The following RPF2 variants were observed in gnomAD, a reference collection of about 807,000 sequenced individuals.
RPF2 encodes ribosome production factor 2 homolog.
Under a neutral mutation model 38.9 loss-of-function variants are expected in RPF2, and 21 were observed. The observed-to-expected ratio is 0.54, with a 90% CI of 0.38 to 0.78. The LOEUF (loss-of-function observed/expected upper bound fraction) is 0.78. Among genes scored for constraint, RPF2 ranks in the 30% least tolerant of loss-of-function variants. RPF2 has a pLI of 0.00. For missense variants in RPF2, 314 were observed against 358.1 expected, an observed-to-expected ratio of 0.88 and a Z score of 0.99; for synonymous variants, 121 against 126.2, an observed-to-expected ratio of 0.96 and a Z score of 0.28.
At chr6:111,021,381 T>A (rs1772232753) in intron 8 of RPF2, among the ~76,000 whole-genome samples, 1 of 152,162 alleles carries the variant, frequency 6.6e-6, no homozygotes, top group South Asian at 2.1e-4. Context: ...AGCTATTAAT[T>A]TGAAATAAAA....
intron 6 of RPF2, among the ~76,000 whole-genome samples, chr6:111,003,078 T>TG (rs1771839545): frequency 1.6e-5 from 2 of 125,696 alleles, no homozygotes; most frequent in African/African-American, 3.2e-5. Flanking sequence ...TTTCATTTTT[T>TG]ACCCCCCCCC....
intron 7 of RPF2, among the ~76,000 whole-genome samples, chr6:111,013,567 T>TA (rs1173404353): frequency 6.6e-6 from 1 of 152,256 alleles, no homozygotes; most frequent in Non-Finnish European, 1.5e-5. Context: ...TTTGACTTAA[T>TA]AAAGAGTACT....
At chr6:110,986,081 T>A (rs1024158973) in intron 2 of RPF2, among the ~76,000 whole-genome samples, 20 of 152,084 alleles carry the variant, frequency 1.3e-4, no homozygotes, top group African/African-American at 4.8e-4. Flanking sequence ...GAAAGAAGTT[T>A]GTGCAAAAGG....
intron 8 of RPF2, among the ~76,000 whole-genome samples, chr6:111,019,685 C>T (rs1454600594): frequency 2.6e-5 from 4 of 151,718 alleles, no homozygotes; most frequent in African/African-American, 7.3e-5. Context: ...TGCAGTGAGC[C>T]GAGCACTCCA....
chr6:111,016,189 C>T (rs1159834451), intron 8 of RPF2, among the ~76,000 whole-genome samples: 2 of 152,292 alleles, frequency 1.3e-5, no homozygotes, highest in South Asian at 2.1e-4. Flanking sequence ...AATCTCAAAA[C>T]CCTAAGTCTT....
At chr6:111,001,894 A>T (rs752925763) in intron 6 of RPF2, among the ~76,000 whole-genome samples, 5 of 152,182 alleles carry the variant, frequency 3.3e-5, no homozygotes, top group Non-Finnish European at 7.3e-5. Context: ...CTGTAAGCCC[A>T]TCACTTTGGG....
intron 5 of RPF2, among the ~76,000 whole-genome samples, chr6:110,999,198 A>G (rs1771770829): frequency 6.6e-6 from 1 of 152,050 alleles, no homozygotes; most frequent in South Asian, 2.1e-4. Flanking sequence ...ATTACTTTAT[A>G]CTTGCATTGA....
At chr6:111,021,322 A>G (rs1772231640) in intron 8 of RPF2, among the ~76,000 whole-genome samples, 1 of 152,222 alleles carries the variant, frequency 6.6e-6, no homozygotes, top group Admixed American at 6.5e-5. Context: ...AGACCCTAGT[A>G]TGTAATTTTG....
chr6:111,007,405 G>A (rs1406839698), intron 6 of RPF2, among the ~76,000 whole-genome samples: 1 of 150,592 alleles, frequency 6.6e-6, no homozygotes, highest in African/African-American at 2.4e-5. Flanking sequence ...TTTTTTTTTA[G>A]TATAGAAGTC....
intron 3 of RPF2, among the ~76,000 whole-genome samples, chr6:110,990,649 A>AC (rs1215775506): frequency 7.2e-6 from 1 of 138,190 alleles, no homozygotes; most frequent in African/African-American, 2.7e-5. Flanking sequence ...CAGTGGTGCG[A>AC]CCTCAGCTCA....
intron 1 of RPF2, 144 bp downstream of exon 1, chr6:110,982,273 C>A: frequency 1.1e-6 from 1 of 886,308 alleles, no homozygotes; most frequent in African/African-American, 1.7e-5. Context: ...CCCGGGTCCT[C>A]CTCAGCGCGA....
chr6:111,012,070 CTT>C (rs35304628), intron 7 of RPF2, among the ~76,000 whole-genome samples: 2 of 133,376 alleles, frequency 1.5e-5, no homozygotes, highest in Non-Finnish European at 1.6e-5. Flanking sequence ...TAGGAAGTTC[CTT>C]TTTTTTTTTT....
At chr6:111,017,650 C>T (rs1449622896) in intron 8 of RPF2, among the ~76,000 whole-genome samples, 2 of 144,890 alleles carry the variant, frequency 1.4e-5, no homozygotes, top group East Asian at 2.1e-4. Context: ...ACATCTCAGA[C>T]GATGGGCGGC....
intron 7 of RPF2, among the ~76,000 whole-genome samples, chr6:111,011,687 C>G (rs1583271387): frequency 6.6e-6 from 1 of 152,238 alleles, no homozygotes; most frequent in Admixed American, 6.5e-5. Context: ...TTCTCTTTCC[C>G]CTAGGTCTCC....
intron 4 of RPF2, among the ~76,000 whole-genome samples, chr6:110,995,439 G>A (rs1354762694): frequency 6.6e-6 from 1 of 152,152 alleles, no homozygotes; most frequent in Non-Finnish European, 1.5e-5. Context: ...GACAGGCCAG[G>A]TGGGTAGTTG....
Position 110,997,197 on chromosome 6 carries a change from G to T in RPF2, c.249G>T (p.Lys83Asn), listed in dbSNP as rs1252215408. The change falls in exon 5 of 10, where the codon AAG becomes AAT. Residue 83 changes from lysine (K) to asparagine (N), a missense_variant. Physicochemically the swap from Lys to Asn is moderately conservative, Grantham distance 94. Coordinates refer to ENST00000441448, the MANE Select transcript of RPF2 (RefSeq NM_032194.3). The stretch of plus-strand genomic sequence containing the variant: ...TGGTTTTATAGGAATTCTTTTCAAA[G>T]AAGTCAGATTGTTCTTTATTCATGT... Reference protein sequence around the residue: ...EDQTSLEFFSKKSDCSLFMFG... With the variant: ...EDQTSLEFFSNKSDCSLFMFG... 1.9e-6 allele frequency: 3 copies of T among 1,594,444 alleles called. No individual in the cohort carries two copies. The highest frequency in any genetic ancestry group is 2.6e-6 in the Non-Finnish European group (3 of 1,163,874).
chr6:111,006,321 G>GAT (rs1771907418), intron 6 of RPF2, among the ~76,000 whole-genome samples: 4 of 151,812 alleles, frequency 2.6e-5, no homozygotes, highest in Admixed American at 2.6e-4. Flanking sequence ...TACAACCTCT[G>GAT]TCTCTTGGGT....
At chr6:111,010,711 T>A (rs892824872) in intron 7 of RPF2, among the ~76,000 whole-genome samples, 3 of 152,226 alleles carry the variant, frequency 2.0e-5, no homozygotes, top group African/African-American at 7.2e-5. Flanking sequence ...TAGATCACTT[T>A]TGAAAAATTG....
At chr6:111,006,382 G>A (rs1382499459) in intron 6 of RPF2, among the ~76,000 whole-genome samples, 1 of 151,486 alleles carries the variant, frequency 6.6e-6, no homozygotes, top group Non-Finnish European at 1.5e-5. Flanking sequence ...CTACAGGCGT[G>A]TACCACCACG....
Sources: gnomAD v4.1 joint callset for allele counts (sites outside exome capture counted in the v4.1 genomes callset) on GRCh38, gnomAD v4.1.1 for gene constraint, MANE v1.5 for transcripts, NCBI Gene and HGNC (gene_info 2026-07-23, HGNC 2026-07-21) for gene names.